Variants in CAMKK1 observed in about 807,000 individuals in gnomAD.
CAMKK1 encodes the protein calcium/calmodulin dependent protein kinase kinase 1.
CAMKK1 carries 20 observed loss-of-function variants against 63.5 expected under a neutral mutation model. The observed-to-expected ratio is 0.32, with a 90% CI of 0.22 to 0.46. The LOEUF is 0.46. Ranked by LOEUF, CAMKK1 falls within the 20% of genes least tolerant of loss-of-function variation. The pLI, the probability that CAMKK1 is intolerant of heterozygous loss-of-function variation, is 1.00. For missense variants in CAMKK1, 588 were observed against 658.1 expected (o/e 0.89, Z 1.17); for synonymous variants, 253 against 269.0 (o/e 0.94, Z 0.58).
At chr17:3,872,129 C>A (rs1306825161) in intron 12 of CAMKK1, among the ~76,000 whole-genome samples, 1 of 152,168 alleles carries the variant, frequency 6.6e-6, no homozygotes, top group Non-Finnish European at 1.5e-5. Context: ...GAGTCCCAGC[C>A]CCCTGACCGC....
At chr17:3,864,388 A>G (rs1462851375) in intron 15 of CAMKK1, among the ~76,000 whole-genome samples, 1 of 152,102 alleles carries the variant, frequency 6.6e-6, no homozygotes, top group African/African-American at 2.4e-5. Context: ...CTGGGACTCC[A>G]GGTGCCCGCC....
Position 3,883,991 on chromosome 17 carries a change from C to G in CAMKK1, c.409-54G>C. 6.4e-7 allele frequency: 1 copy of G among 1,570,502 alleles called. No individual in the cohort carries two copies. The highest frequency in any genetic ancestry group is 8.7e-7 in the Non-Finnish European group (1 of 1,143,766). On this transcript the variant is annotated intron_variant, in intron 3 of 15. Coordinates refer to ENST00000348335, the MANE Select transcript of CAMKK1 (RefSeq NM_032294.3). The surrounding 1 kb of genome is among the most constrained non-coding windows in gnomAD (Gnocchi z 4.7). ...TGGACAGGGCAACCCCTCCCAGGAC[C>G]AGCTCAGGAGGTGGGGAGCCGAGCA... is the stretch of plus-strand genomic sequence containing the variant.
intron 14 of CAMKK1, among the ~76,000 whole-genome samples, chr17:3,866,214 A>G (rs2532945): frequency 0.44 from 66,796 of 152,068 alleles, 15,465 homozygotes; most frequent in African/African-American, 0.6. Flanking sequence ...GCCGGATGCC[A>G]CTGGTACATG....
rs1224858645 is a variant in CAMKK1 at position 3,883,794 on chromosome 17, T to C, written c.462+90A>G. 1 of 1,323,170 alleles carries C rather than the reference T, an allele frequency of 7.6e-7. No individual in the cohort carries two copies. Among genetic ancestry groups the C allele is most frequent in the Non-Finnish European group, 1.1e-6 (1 of 919,862 alleles). The allele number at this position is 1,323,170 out of a possible 1,614,324, so 82.0% of individuals were successfully genotyped here. A position where few individuals can be genotyped will look rare whatever the true frequency, so the allele number is the denominator to read the frequency against. On this transcript the variant is annotated intron_variant, in intron 4 of 15. Transcript: ENST00000348335. This position sits in a 1 kb window ranked among gnomAD's most constrained non-coding sequence, Gnocchi z 4.7. Reference sequence around the variant, plus strand: ...GGGAGCTCACTCTCAGGCAGCCCTGTCCTCTATCTCCTAAGCACAACTCCT... The same window carrying C: ...GGGAGCTCACTCTCAGGCAGCCCTGCCCTCTATCTCCTAAGCACAACTCCT...
chr17:3,874,054 T>C (rs1339947655), intron 10 of CAMKK1, among the ~76,000 whole-genome samples: 1 of 152,206 alleles, frequency 6.6e-6, no homozygotes, highest in Non-Finnish European at 1.5e-5. Context: ...TGGTATCCAC[T>C]TTCTCGCTTA....
At chr17:3,891,987 C>G (rs1460501160) in intron 1 of CAMKK1, among the ~76,000 whole-genome samples, 2 of 152,052 alleles carry the variant, frequency 1.3e-5, no homozygotes, top group South Asian at 2.1e-4. Context: ...AGAGTGTGTG[C>G]GCCTGGGACG....
In CAMKK1 at chr17:3,869,583, C is replaced by G. The variant is rs1247866600; in HGVS notation, c.1245G>C (p.Glu415Asp). Residue 415 changes from glutamate (E) to aspartate (D), a missense_variant, in exon 14 of 16, where the codon GAG becomes GAC. Glu to Asp is a conservative substitution (Grantham distance 45). Around this residue, in one of 3 missense-constraint regions of CAMKK1, gnomAD observed 226 missense variants for 229.2 expected, o/e 0.99. Coordinates refer to ENST00000348335, the MANE Select transcript of CAMKK1 (RefSeq NM_032294.3). ...LHPWVTKNGE[E>D]PLPSEEEHCS... is the part of the protein sequence containing the mutation. ...AGTGCTCCTCCTCCGAAGGAAGGGG[C>G]TCCTCCCCGTTCTTGGTCACCCAAG... The G allele has an allele frequency of 6.2e-7, 1 of 1,614,116 alleles. No individual in the cohort carries two copies. Among genetic ancestry groups the G allele is most frequent in the African/African-American group, 1.3e-5 (1 of 74,942 alleles).
intron 14 of CAMKK1, among the ~76,000 whole-genome samples, chr17:3,867,273 A>G (rs548874033): frequency 1.4e-4 from 22 of 152,298 alleles, no homozygotes; most frequent in Middle Eastern, 3.4e-3. Flanking sequence ...CCCCGGGCAG[A>G]GGGAAGCGAA....
At chr17:3,863,216 C>T (rs1405860379) in intron 15 of CAMKK1, among the ~76,000 whole-genome samples, 3 of 152,182 alleles carry the variant, frequency 2.0e-5, no homozygotes, top group Non-Finnish European at 4.4e-5. Flanking sequence ...AACTCTATGG[C>T]CGGGCACAGT....
At chr17:3,871,546 T>C (rs57901662) in intron 12 of CAMKK1, among the ~76,000 whole-genome samples, 25,155 of 148,448 alleles carry the variant, frequency 0.17, 2,387 homozygotes, top group East Asian at 0.29. Flanking sequence ...TTAGTAGAGA[T>C]GGGGTTTCAC....
intron 14 of CAMKK1, among the ~76,000 whole-genome samples, chr17:3,866,384 C>T (rs1038083529): frequency 2.6e-5 from 4 of 152,244 alleles, no homozygotes; most frequent in Admixed American, 1.3e-4. Context: ...TTCCGGCCGC[C>T]GAGAAGATGC....
At position 3,869,552 on chromosome 17, in the gene CAMKK1, C is replaced by A; in HGVS notation, c.1276G>T (p.Val426Leu). 6.2e-7 allele frequency: 1 copy of A among 1,614,230 alleles called. No individual in the cohort carries two copies. Among genetic ancestry groups the A allele is most frequent in the African/African-American group, 1.3e-5 (1 of 75,068 alleles). ...PLPSEEEHCS[V>L]VEVTEEEVKN... ...ACCTCCTCCTCTGTCACCTCCACCA[C>A]GCTGCAGTGCTCCTCCTCCGAAGGA... The change falls in exon 14 of 16, where the codon GTG becomes TTG. Residue 426 changes from valine (V) to leucine (L), a missense_variant. By Grantham distance (32) the Val-to-Leu change is conservative. Transcript: ENST00000348335.
chr17:3,865,507 C>T (rs2054484591), intron 15 of CAMKK1: 9 of 1,021,718 alleles, frequency 8.8e-6, no homozygotes, highest in Admixed American at 5.1e-5. Context: ...TACAGGAAGC[C>T]AACATCAGCC....
chr17:3,874,724 G>A (rs886833991), intron 10 of CAMKK1, among the ~76,000 whole-genome samples: 1 of 151,624 alleles, frequency 6.6e-6, no homozygotes, highest in Non-Finnish European at 1.5e-5. Context: ...GGCCAGGCTG[G>A]TCTCAAACTC....
At chr17:3,871,167 G>A (rs1471903013) in intron 12 of CAMKK1, among the ~76,000 whole-genome samples, 1 of 152,082 alleles carries the variant, frequency 6.6e-6, no homozygotes, top group Non-Finnish European at 1.5e-5. Context: ...CTGGGGAGGG[G>A]CCTGAGGCCT....
At chr17:3,888,542 C>G (rs187644142) in intron 1 of CAMKK1, among the ~76,000 whole-genome samples, 1 of 152,324 alleles carries the variant, frequency 6.6e-6, no homozygotes, top group East Asian at 1.9e-4. Flanking sequence ...CCTCACCGCA[C>G]GTGGTGAGAT....
rs2055308283 is a variant in CAMKK1, at chr17:3,879,387, C to CTTT, written c.796+956_796+958dup. The CTTT allele has an allele frequency of 6.5e-6, 1 of 152,720 alleles. No individual in the cohort carries two copies. The highest frequency in any genetic ancestry group is 6.5e-5 in the Admixed American group (1 of 15,278). The allele number at this position is 152,720 out of a possible 1,614,324, so 9.5% of individuals were successfully genotyped here. ...GCCACCACACAGCTGCCAGACAGAGCTTTCTCAGGCACAAATCCCATCACG... is the reference window on the plus strand; with the variant it reads ...GCCACCACACAGCTGCCAGACAGAGCTTTTTTCTCAGGCACAAATCCCATCACG... On this transcript the variant is annotated intron_variant, in intron 9 of 15. Transcript: ENST00000348335. The surrounding 1 kb of genome is among the most constrained non-coding windows in gnomAD (Gnocchi z 4.5).
chr17:3,867,509 CA>C (rs1253665659), intron 14 of CAMKK1, among the ~76,000 whole-genome samples: 1 of 152,124 alleles, frequency 6.6e-6, no homozygotes. Flanking sequence ...GAGCATTGAC[CA>C]GGGGGACAGG....
rs2055480825 is a variant in CAMKK1, at chr17:3,882,979, C to A, written c.648+63G>T. ...TGGGTCTGTGCTAGGGGCTCCCCAGCACCAGAAGCGGCTCCCATGAGACTC... is the reference window on the plus strand; with the variant it reads ...TGGGTCTGTGCTAGGGGCTCCCCAGAACCAGAAGCGGCTCCCATGAGACTC... On this transcript the variant is annotated intron_variant, in intron 6 of 15. Transcript: ENST00000348335. The surrounding 1 kb of genome is among the most constrained non-coding windows in gnomAD (Gnocchi z 4.3). The A allele has an allele frequency of 1.3e-6, 2 of 1,593,770 alleles. No individual in the cohort carries two copies. Among genetic ancestry groups the A allele is most frequent in the Admixed American group, 1.7e-5 (1 of 59,060 alleles).
Sources: gnomAD v4.1 joint callset for allele counts (sites outside exome capture counted in the v4.1 genomes callset) on GRCh38, gnomAD v4.1.1 for gene constraint, gnomAD v4.1.1 regional missense constraint, Gnocchi (gnomAD v3.1) non-coding constraint, MANE v1.5 for transcripts, NCBI Gene and HGNC (gene_info 2026-07-23, HGNC 2026-07-21) for gene names.